PLCL1: variants seen among roughly 807,000 people sequenced by gnomAD.
The protein encoded by PLCL1 is phospholipase C like 1 (inactive), also known as inactive phospholipase C-like protein 1.
PLCL1 carries 41 observed loss-of-function variants against 84.4 expected under a neutral mutation model. The observed-to-expected ratio is 0.49, with a 90% confidence interval of 0.38 to 0.63. PLCL1 has a LOEUF of 0.63. PLCL1 is among the 30% of genes least tolerant of loss of function. PLCL1 has a pLI of 0.00. For missense variants in PLCL1, 1,206 were observed against 1,367.8 expected, an observed-to-expected ratio of 0.88 and a Z score of 1.87; for synonymous variants, 490 against 488.3, an observed-to-expected ratio of 1.00 and a Z score of -0.05.
intron 5 of PLCL1, among the ~76,000 whole-genome samples, chr2:198,137,350 C>T (rs59422969): frequency 0.016 from 2,404 of 152,158 alleles, 22 homozygotes; most frequent in African/African-American, 0.019. Flanking sequence ...TTACTAAGAA[C>T]GGTTATTTAG....
rs551112721 is a variant in PLCL1, at chr2:198,001,606, G to A, written c.241-82152G>A. On this transcript the variant is annotated intron_variant, in intron 1 of 5. Coordinates refer to ENST00000428675, the MANE Select transcript of PLCL1 (RefSeq NM_006226.4). ...GGCTTCTTTGACTCCTATTATGTTT[G>A]AGAGGTTGATCCATTTTTTTTCTGT... 9.2e-5 allele frequency among the ~76,000 whole-genome samples: 14 copies of A among 152,258 alleles called. No homozygotes were observed. The South Asian group carries it at 2.9e-3, about 32-fold the overall frequency.
At chr2:198,011,273 T>C (rs1300990088) in intron 1 of PLCL1, among the ~76,000 whole-genome samples, 1 of 152,028 alleles carries the variant, frequency 6.6e-6, no homozygotes, top group Admixed American at 6.6e-5. Flanking sequence ...CTTTTACTAC[T>C]GCTTTCACTG....
intron 1 of PLCL1, among the ~76,000 whole-genome samples, chr2:197,916,326 C>T (rs1041472533): frequency 8.5e-5 from 13 of 152,262 alleles, no homozygotes; most frequent in Middle Eastern, 3.4e-3. Flanking sequence ...ATATTCCATA[C>T]TGGTTAAGAT....
chr2:197,806,958 T>C (rs1350320636), intron 1 of PLCL1, among the ~76,000 whole-genome samples: 1 of 152,232 alleles, frequency 6.6e-6, no homozygotes, highest in Non-Finnish European at 1.5e-5. Context: ...GGGTCATTGC[T>C]GAGTAATGGT....
chr2:197,846,039 G>A (rs1687115710), intron 1 of PLCL1, among the ~76,000 whole-genome samples: 1 of 152,056 alleles, frequency 6.6e-6, no homozygotes, highest in Non-Finnish European at 1.5e-5. Flanking sequence ...CGAGGGTCTG[G>A]TCGAACAGTC....
chr2:197,934,922 C>G (rs1174740505), intron 1 of PLCL1, among the ~76,000 whole-genome samples: 1 of 151,966 alleles, frequency 6.6e-6, no homozygotes, highest in African/African-American at 2.4e-5. Flanking sequence ...TCTAAATGAA[C>G]TTAAATTAAC....
At chr2:198,118,968 C>T (rs1693806964) in intron 5 of PLCL1, among the ~76,000 whole-genome samples, 1 of 151,978 alleles carries the variant, frequency 6.6e-6, no homozygotes, top group Admixed American at 6.6e-5. Context: ...CAAAAGGATT[C>T]ATATACAGTA....
chr2:198,051,187 A>G (rs1691920395), intron 1 of PLCL1, among the ~76,000 whole-genome samples: 1 of 152,214 alleles, frequency 6.6e-6, no homozygotes, highest in Non-Finnish European at 1.5e-5. Flanking sequence ...AACAAGAGGA[A>G]CAAATACAGG....
chr2:198,011,685 GATAA>G (rs754033421), intron 1 of PLCL1, among the ~76,000 whole-genome samples: 1 of 152,000 alleles, frequency 6.6e-6, no homozygotes, highest in African/African-American at 2.4e-5. Flanking sequence ...TGATTCTGTT[GATAA>G]CTGAGAGTGG....
At chr2:197,866,438 T>C (rs1248124857) in intron 1 of PLCL1, among the ~76,000 whole-genome samples, 1 of 151,988 alleles carries the variant, frequency 6.6e-6, no homozygotes, top group African/African-American at 2.4e-5. Flanking sequence ...AGAATAGGGC[T>C]ACTTACCTGA....
chr2:198,103,221 C>G (rs1440390230), intron 4 of PLCL1, among the ~76,000 whole-genome samples: 2 of 151,954 alleles, frequency 1.3e-5, no homozygotes, highest in Non-Finnish European at 2.9e-5. Context: ...AGGAAGAGGA[C>G]AAACAAGGTC....
intron 1 of PLCL1, among the ~76,000 whole-genome samples, chr2:197,965,209 CT>C (rs1395953661): frequency 6.6e-6 from 1 of 152,074 alleles, no homozygotes; most frequent in African/African-American, 2.4e-5. Context: ...TGCTGGGAGA[CT>C]TTTTACTACA....
At chr2:198,134,818 C>T (rs1232236391) in intron 5 of PLCL1, among the ~76,000 whole-genome samples, 1 of 152,136 alleles carries the variant, frequency 6.6e-6, no homozygotes, top group Non-Finnish European at 1.5e-5. Context: ...TTGCTGAAAT[C>T]CAGCACTGTG....
chr2:197,851,013 G>A (rs1168659262), intron 1 of PLCL1, among the ~76,000 whole-genome samples: 3 of 152,132 alleles, frequency 2.0e-5, no homozygotes, highest in Non-Finnish European at 4.4e-5. Flanking sequence ...TTTTCCCATA[G>A]GAGCTTCCTC....
chr2:197,947,501 G>A (rs1192452225), intron 1 of PLCL1, among the ~76,000 whole-genome samples: 1 of 152,042 alleles, frequency 6.6e-6, no homozygotes, highest in Non-Finnish European at 1.5e-5. Flanking sequence ...CTGCAAAGAG[G>A]TGATATTTGG....
intron 3 of PLCL1, among the ~76,000 whole-genome samples, chr2:198,099,031 A>G (rs1693266043): frequency 6.6e-6 from 1 of 152,176 alleles, no homozygotes; most frequent in Non-Finnish European, 1.5e-5. Context: ...ATCCATTAGG[A>G]GATATTCATG....
intron 1 of PLCL1, among the ~76,000 whole-genome samples, chr2:197,891,574 A>AT (rs773415674): frequency 0.2 from 27,864 of 141,722 alleles, 2,658 homozygotes; most frequent in East Asian, 0.27. Flanking sequence ...AGGGCTTTAG[A>AT]TTTTTTTTTT....
Position 198,147,199 on chromosome 2 carries a change from G to T in PLCL1, c.*237G>T, listed in dbSNP as rs1274668529. 4 of 188,734 alleles carry T rather than the reference G, an allele frequency of 2.1e-5. No individual in the cohort carries two copies. The highest frequency in any genetic ancestry group is 1.0e-4 in the Admixed American group (1 of 9,870). The allele number at this position is 188,734 out of a possible 1,614,324, so 11.7% of individuals were successfully genotyped here. A position where few individuals can be genotyped will look rare whatever the true frequency, so the allele number is the denominator to read the frequency against. The stretch of plus-strand genomic sequence containing the variant: ...CAACACCCCTGTGTGGATGCCTGTG[G>T]AAGAGTGTGTGTGTGTGTGTGTGTG... On this transcript the variant is annotated 3_prime_UTR_variant, in exon 6 of 6. Transcript: ENST00000428675.
At chr2:198,052,588 C>T (rs952037653) in intron 1 of PLCL1, among the ~76,000 whole-genome samples, 1 of 151,456 alleles carries the variant, frequency 6.6e-6, no homozygotes, top group Non-Finnish European at 1.5e-5. Context: ...TATTTCAGCA[C>T]CAACCAATAC....
Sources: allele counts gnomAD v4.1 joint callset (sites outside exome capture counted in the v4.1 genomes callset), GRCh38; gene constraint gnomAD v4.1.1; transcripts MANE v1.5; gene names NCBI Gene and HGNC (gene_info 2026-07-23, HGNC 2026-07-21).